The following EXO1 variants were observed in gnomAD, a reference collection of about 807,000 sequenced individuals.
EXO1 encodes the protein exonuclease 1.
A neutral mutation model predicts 84.5 loss-of-function variants in EXO1; 69 were observed. That is an observed-to-expected ratio of 0.82 (90% CI 0.67 to 1.00). EXO1 has a LOEUF of 1.00. EXO1 is among the 50% of genes least tolerant of loss of function. The pLI, the probability that EXO1 is intolerant of heterozygous loss-of-function variation, is 0.00. For synonymous variants in EXO1, 373 were observed against 366.1 expected (o/e 1.02, Z -0.21); for missense variants, 1,045 against 1,000.7 (o/e 1.04, Z -0.60).
chr1:241,882,348 T>C (rs1662820023), intron 14 of EXO1, among the ~76,000 whole-genome samples: 1 of 152,142 alleles, frequency 6.6e-6, no homozygotes, highest in African/African-American at 2.4e-5. Flanking sequence ...GCAACCAAGA[T>C]CTTGTGGATA....
In EXO1 at chr1:241,889,363, G is replaced by T. The variant is rs4150019; in HGVS notation, c.2406-102G>T. The T allele has an allele frequency of 3.1e-3, 3,184 of 1,023,236 alleles. 65 individuals are homozygous for T. In the African/African-American group the frequency reaches 0.044, roughly 14 times the overall value. The allele number at this position is 1,023,236 out of a possible 1,614,324, so 63.4% of individuals were successfully genotyped here. On this transcript the variant is annotated intron_variant, in intron 15 of 15. Transcript: ENST00000366548. ...ATTGAAAGAGATCGTACAGTAAAGG[G>T]TCTTATCCTCTTCATGTCCCTCTAT...
chr1:241,865,230 T>G (rs1452202938), intron 10 of EXO1, among the ~76,000 whole-genome samples: 1 of 150,108 alleles, frequency 6.7e-6, no homozygotes, highest in African/African-American at 2.4e-5. Flanking sequence ...TTTTTTTTTT[T>G]GAACAGAATC....
chr1:241,889,403 A>C, intron 15 of EXO1, 62 bp from the exon 16 acceptor site: 1 of 1,466,662 alleles, frequency 6.8e-7, no homozygotes, highest in Non-Finnish European at 9.6e-7. Flanking sequence ...TCCAGGTAGA[A>C]TATTTCTTCT....
intron 4 of EXO1, among the ~76,000 whole-genome samples, chr1:241,850,905 G>A (rs1412320967): frequency 2.2e-5 from 3 of 135,518 alleles, no homozygotes; most frequent in Non-Finnish European, 4.6e-5. Flanking sequence ...CACAATCTTG[G>A]CTCACTGCAA....
intron 6 of EXO1, among the ~76,000 whole-genome samples, chr1:241,856,482 A>G (rs1661046612): frequency 6.6e-6 from 1 of 152,188 alleles, no homozygotes; most frequent in South Asian, 2.1e-4. Flanking sequence ...AAGATACATT[A>G]TTAGAGGAGA....
rs1353941280 is a variant in EXO1 at position 241,885,301 on chromosome 1, G to A, written c.2212-13G>A. The A allele has an allele frequency of 3.7e-6, 6 of 1,606,808 alleles. No individual in the cohort carries two copies. Among genetic ancestry groups the A allele is most frequent in the South Asian group, 1.1e-5 (1 of 90,828 alleles). On this transcript the variant is annotated splice_polypyrimidine_tract_variant and intron_variant, in intron 14 of 15. Coordinates refer to ENST00000366548, the MANE Select transcript of EXO1 (RefSeq NM_130398.4). ...TTAACAGAATGGTCTTAAAATGGGT[G>A]TTTAATCTTCAGGTTCCTGGGCTAT...
intron 11 of EXO1, among the ~76,000 whole-genome samples, chr1:241,868,567 C>G (rs1350044678): frequency 6.6e-6 from 1 of 152,156 alleles, no homozygotes; most frequent in Non-Finnish European, 1.5e-5. Context: ...ATTCAGGAGG[C>G]TGAGGTGGGA....
intron 12 of EXO1, 142 bp downstream of exon 12, chr1:241,872,420 G>A (rs851780): frequency 0.59 from 494,923 of 834,148 alleles, 150,335 homozygotes; most frequent in East Asian, 0.81. Flanking sequence ...TTTGTTACAT[G>A]GGTATACATG....
intron 12 of EXO1, among the ~76,000 whole-genome samples, chr1:241,875,872 C>T (rs757561870): frequency 6.6e-6 from 1 of 152,074 alleles, no homozygotes; most frequent in Admixed American, 6.5e-5. Flanking sequence ...AGCGAGACTT[C>T]GTCTCAAAAA....
chr1:241,854,659 T>A (rs1189094343), intron 6 of EXO1: 1 of 152,810 alleles, frequency 6.5e-6, no homozygotes, highest in Non-Finnish European at 1.5e-5. Flanking sequence ...GAAGAGAGGC[T>A]GCATTGTGTG....
At chr1:241,857,603 A>G (rs1387454628) in intron 7 of EXO1, 121 bp downstream of exon 7, 1 of 336,358 alleles carries the variant, frequency 3.0e-6, no homozygotes, top group Non-Finnish European at 4.9e-6. Flanking sequence ...AATTTATAAT[A>G]TTTATAAAAT....
chr1:241,868,618 TG>T (rs1661893972), intron 11 of EXO1, among the ~76,000 whole-genome samples: 1 of 152,168 alleles, frequency 6.6e-6, no homozygotes, highest in Non-Finnish European at 1.5e-5. Context: ...CAGTGAGCCA[TG>T]GCCACATCAC....
At position 241,858,587 on chromosome 1, in the gene EXO1, G is replaced by A; in HGVS notation, c.625G>A (p.Val209Ile). 6.2e-7 allele frequency: 1 copy of A among 1,614,056 alleles called. No homozygotes were observed. Among genetic ancestry groups the A allele is most frequent in the Non-Finnish European group, 8.5e-7 (1 of 1,179,936 alleles). The change falls in exon 8 of 16, where the codon GTA (valine) becomes ATA (isoleucine). Residue 209 changes from valine to isoleucine, a missense_variant. Physicochemically the swap from Val to Ile is conservative, Grantham distance 29 (BLOSUM62 3). Coordinates refer to ENST00000366548, the MANE Select transcript of EXO1 (RefSeq NM_130398.4). ...AGGAATGTGCAGACAGCTTGGGGAT[G>A]TATTCACGGAAGAGAAGTTTCGTTA... The part of the protein sequence containing the change: ...RLGMCRQLGD[V>I]FTEEKFRYMC...
intron 14 of EXO1, among the ~76,000 whole-genome samples, chr1:241,883,501 C>T (rs1247381927): frequency 4.6e-5 from 7 of 152,114 alleles, no homozygotes; most frequent in Non-Finnish European, 1.0e-4. Flanking sequence ...CTAATCACCT[C>T]TCAAAAATCC....
chr1:241,871,921 T>TG, intron 11 of EXO1, 111 bp from the exon 12 acceptor site: 1 of 733,816 alleles, frequency 1.4e-6, no homozygotes, highest in South Asian at 2.0e-5. Context: ...GTTTTTTTTT[T>TG]TTTTTTTTAA....
intron 3 of EXO1, among the ~76,000 whole-genome samples, 168 bp downstream of exon 3, chr1:241,849,384 T>C (rs1212438511): frequency 6.6e-6 from 1 of 152,170 alleles, no homozygotes; most frequent in Non-Finnish European, 1.5e-5. Flanking sequence ...GTTGTGACAG[T>C]TCCAGAATCT....
chr1:241,860,321 C>T (rs1218827615), intron 8 of EXO1, among the ~76,000 whole-genome samples, 196 bp from the exon 9 acceptor site: 2 of 151,624 alleles, frequency 1.3e-5, no homozygotes, highest in Non-Finnish European at 2.9e-5. Context: ...AATAGAAAAA[C>T]CAAAGAAAAT....
chr1:241,885,670 A>G, intron 15 of EXO1, 163 bp downstream of exon 15: 1 of 667,154 alleles, frequency 1.5e-6, no homozygotes, highest in South Asian at 1.5e-5. Context: ...TATACTTAAT[A>G]TCAATTTCTA....
intron 13 of EXO1, 128 bp from the exon 14 acceptor site, chr1:241,881,788 C>A (rs1662770101): frequency 5.4e-6 from 3 of 551,350 alleles, no homozygotes; most frequent in Non-Finnish European, 9.8e-6. Context: ...CCATATTATT[C>A]ATTTTCTTTT....
Sources: gnomAD v4.1 joint callset for allele counts (sites outside exome capture counted in the v4.1 genomes callset) on GRCh38, gnomAD v4.1.1 for gene constraint, MANE v1.5 for transcripts, NCBI Gene and HGNC (gene_info 2026-07-23, HGNC 2026-07-21) for gene names.